Variants in AMMECR1 observed in about 807,000 individuals in gnomAD.
AMMECR1 encodes AMMECR nuclear protein 1, also known as nuclear protein AMMECR1.
In AMMECR1, 3 loss-of-function variants were observed where a neutral mutation model predicts 22.5. That is an observed-to-expected ratio of 0.13 (90% confidence interval 0.06 to 0.35). The LOEUF (loss-of-function observed/expected upper bound fraction) is 0.35, where lower values mean the gene tolerates loss of function less well. Ranked by LOEUF, AMMECR1 falls within the 10% of genes least tolerant of loss-of-function variation. The pLI is 1.00. For missense variants in AMMECR1, 235 were observed against 278.7 expected, an observed-to-expected ratio of 0.84 and a Z score of 1.12; for synonymous variants, 130 against 116.7, an observed-to-expected ratio of 1.11 and a Z score of -0.74.
At chrX:110,382,998 A>C (rs1174519091) in intron 2 of AMMECR1, among the ~76,000 whole-genome samples, 1 of 112,090 alleles carries the variant, frequency 8.9e-6, no homozygotes, top group African/African-American at 3.2e-5. Flanking sequence ...GTGGGAGTGG[A>C]ATCAAAGGGT....
chrX:110,434,248 T>C (rs1214033486), intron 1 of AMMECR1, among the ~76,000 whole-genome samples: 1 of 111,769 alleles, frequency 8.9e-6, no homozygotes, highest in Non-Finnish European at 1.9e-5. Flanking sequence ...GGGTCAGCTA[T>C]TCAGAGCCCT....
intron 2 of AMMECR1, among the ~76,000 whole-genome samples, chrX:110,422,485 G>A (rs1208267005): frequency 8.9e-6 from 1 of 112,917 alleles, no homozygotes; most frequent in East Asian, 2.8e-4. Flanking sequence ...CTCCCCAGTT[G>A]TGGCAAATCA....
chrX:110,395,714 T>A (rs1296285786), intron 2 of AMMECR1, among the ~76,000 whole-genome samples: 1 of 111,122 alleles, frequency 9.0e-6, no homozygotes, highest in Non-Finnish European at 1.9e-5. Context: ...GGGAGTGAGA[T>A]GGCAATTTGC....
intron 2 of AMMECR1, among the ~76,000 whole-genome samples, chrX:110,251,315 C>T (rs1210221736): frequency 9.0e-6 from 1 of 111,688 alleles, no homozygotes; most frequent in African/African-American, 3.3e-5. Flanking sequence ...TCAAGGAAAT[C>T]TCACAGAGGA....
chrX:110,434,775 C>T (rs2068824029), intron 1 of AMMECR1, among the ~76,000 whole-genome samples: 1 of 110,797 alleles, frequency 9.0e-6, no homozygotes, highest in African/African-American at 3.3e-5. Context: ...GCTGGAAAGC[C>T]ACCACAGTCA....
chrX:110,214,827 C>A (rs2067465522), intron 3 of AMMECR1, among the ~76,000 whole-genome samples: 1 of 111,034 alleles, frequency 9.0e-6, no homozygotes, highest in South Asian at 3.9e-4. Flanking sequence ...TCAGGCTTTT[C>A]CCATATAATC....
intron 2 of AMMECR1, among the ~76,000 whole-genome samples, chrX:110,330,751 C>A (rs2068117533): frequency 9.0e-6 from 1 of 111,498 alleles, no homozygotes; most frequent in Admixed American, 9.5e-5. Context: ...TGACTCCATT[C>A]ATTAACCCTT....
chrX:110,401,181 C>T (rs7049753), intron 2 of AMMECR1, among the ~76,000 whole-genome samples: 4,269 of 112,025 alleles, frequency 0.038, 190 homozygotes, highest in African/African-American at 0.13. Flanking sequence ...AGGATTTGAA[C>T]GTAGGCTCCA....
intron 1 of AMMECR1, among the ~76,000 whole-genome samples, chrX:110,293,988 G>A (rs1027972360): frequency 9.0e-6 from 1 of 111,551 alleles, no homozygotes; most frequent in African/African-American, 3.3e-5. Context: ...GGGCAGGGAA[G>A]CCTTATCTAT....
At chrX:110,378,143 A>T (rs910044563) in intron 2 of AMMECR1, among the ~76,000 whole-genome samples, 3 of 110,112 alleles carry the variant, frequency 2.7e-5, no homozygotes, top group Non-Finnish European at 3.8e-5. Flanking sequence ...TATTCTGCCC[A>T]TTTTTTTGGC....
intron 2 of AMMECR1, among the ~76,000 whole-genome samples, chrX:110,386,477 T>G (rs745393784): frequency 1.3e-4 from 15 of 111,459 alleles, no homozygotes; most frequent in African/African-American, 4.9e-4. Flanking sequence ...TTGACCATTC[T>G]TATGTCTACT....
intron 2 of AMMECR1, among the ~76,000 whole-genome samples, chrX:110,357,103 T>C (rs931455058): frequency 1.2e-3 from 130 of 112,091 alleles, no homozygotes; most frequent in Middle Eastern, 4.6e-3. Context: ...TATGTATACA[T>C]TAGCTTAGAT....
chrX:110,420,865 C>T (rs992230953), intron 2 of AMMECR1, among the ~76,000 whole-genome samples: 3 of 111,416 alleles, frequency 2.7e-5, no homozygotes, highest in African/African-American at 9.8e-5. Flanking sequence ...GTTTCCGATC[C>T]TCAGCACACA....
At chrX:110,392,175 T>C (rs1163363923) in intron 2 of AMMECR1, among the ~76,000 whole-genome samples, 2 of 111,435 alleles carry the variant, frequency 1.8e-5, no homozygotes, top group Non-Finnish European at 3.8e-5. Flanking sequence ...AAGTATCAAG[T>C]AATTATTCAA....
At chrX:110,286,019 A>C (rs1460037507) in intron 1 of AMMECR1, among the ~76,000 whole-genome samples, 1 of 112,305 alleles carries the variant, frequency 8.9e-6, no homozygotes, top group African/African-American at 3.2e-5. Flanking sequence ...GAGCAAAATC[A>C]GAGACTGCTG....
At chrX:110,352,171 AAGTTAAACATAG>A (rs1233928955) in intron 2 of AMMECR1, among the ~76,000 whole-genome samples, 1 of 112,362 alleles carries the variant, frequency 8.9e-6, no homozygotes, top group Non-Finnish European at 1.9e-5. Context: ...TTTTCTCAAA[AAGTTAAACATAG>A]AGTTATTATA....
intron 2 of AMMECR1, among the ~76,000 whole-genome samples, chrX:110,254,294 T>A (rs926326293): frequency 4.5e-5 from 5 of 111,948 alleles, no homozygotes; most frequent in Non-Finnish European, 9.4e-5. Context: ...CTTACAAACA[T>A]ATTACATATT....
intron 2 of AMMECR1, among the ~76,000 whole-genome samples, chrX:110,326,293 A>G (rs183992807): frequency 2.7e-5 from 3 of 112,232 alleles, no homozygotes; most frequent in East Asian, 5.6e-4. Context: ...TGCCTGGCCT[A>G]TAAGTTTTGA....
intron 2 of AMMECR1, among the ~76,000 whole-genome samples, chrX:110,220,338 GATAA>G (rs1346993449): frequency 1.8e-5 from 2 of 111,727 alleles, no homozygotes; most frequent in East Asian, 5.6e-4. Context: ...ACCTAAAGAT[GATAA>G]ATAATCATTC....
Sources: gnomAD v4.1 joint callset for allele counts (sites outside exome capture counted in the v4.1 genomes callset) on GRCh38, gnomAD v4.1.1 for gene constraint, MANE v1.5 for transcripts, NCBI Gene and HGNC (gene_info 2026-07-23, HGNC 2026-07-21) for gene names.